FRMD4A: variants seen among roughly 807,000 people sequenced by gnomAD.
FRMD4A encodes FERM domain-containing protein 4A.
Under a neutral mutation model 129.1 loss-of-function variants are expected in FRMD4A, and 29 were observed. The ratio of observed to expected loss-of-function variants is 0.22; its 90% CI spans 0.17 to 0.31. The LOEUF is 0.31. FRMD4A is among the 10% of genes least tolerant of loss of function. The pLI is 1.00. For synonymous variants in FRMD4A, 634 were observed against 571.6 expected, an observed-to-expected ratio of 1.11 and a Z score of -1.56; for missense variants, 1,272 against 1,375.8, an observed-to-expected ratio of 0.92 and a Z score of 1.19.
chr10:14,083,770 C>T (rs1836075092), intron 2 of FRMD4A: 2 of 152,244 alleles, frequency 1.3e-5, no homozygotes, highest in South Asian at 4.1e-4. Context: ...CCAACGATTG[C>T]AAAAGACAGA....
intron 14 of FRMD4A, among the ~76,000 whole-genome samples, chr10:13,700,397 C>G (rs1157322798): frequency 6.6e-6 from 1 of 152,162 alleles, no homozygotes; most frequent in African/African-American, 2.4e-5. Flanking sequence ...GACTCTTGTG[C>G]CCAGTAAGTT....
intron 4 of FRMD4A, among the ~76,000 whole-genome samples, chr10:13,798,237 C>T (rs536051463): frequency 4.6e-5 from 7 of 151,694 alleles, no homozygotes; most frequent in Non-Finnish European, 8.8e-5. Flanking sequence ...ATGGTGAAAC[C>T]CTGTCTCTAC....
intron 2 of FRMD4A, among the ~76,000 whole-genome samples, chr10:14,005,603 A>G (rs1588743546): frequency 6.6e-6 from 1 of 152,172 alleles, no homozygotes; most frequent in Non-Finnish European, 1.5e-5. Flanking sequence ...CATATCTTCT[A>G]TATTTCCTTT....
At position 13,700,891 on chromosome 10, in the gene FRMD4A, T is replaced by G. The variant is rs546239431; in HGVS notation, c.975+449A>C. Among the ~76,000 whole-genome samples the G allele has an allele frequency of 1.4e-4, 20 of 144,300 alleles. No individual in the cohort carries two copies. The South Asian group carries it at 4.5e-3, about 32-fold the overall frequency. 94.7% of individuals were successfully genotyped at this position (144,300 alleles called of 152,430 possible). ...AAAAAAAAAAAAATGGAGTTGGCAGTTGGAACCGCCTGAGGGTTTTCACAG... is the reference window on the plus strand; with the variant it reads ...AAAAAAAAAAAAATGGAGTTGGCAGGTGGAACCGCCTGAGGGTTTTCACAG... On this transcript the variant is annotated intron_variant, in intron 14 of 24. Coordinates refer to ENST00000357447, the MANE Select transcript of FRMD4A (RefSeq NM_018027.5).
chr10:13,789,585 C>CACAT (rs2092945851), intron 5 of FRMD4A, among the ~76,000 whole-genome samples: 1 of 151,008 alleles, frequency 6.6e-6, no homozygotes, highest in Non-Finnish European at 1.5e-5. Context: ...CACACACACA[C>CACAT]ACACATGACG....
At chr10:13,681,908 A>G (rs1183408011) in intron 15 of FRMD4A, among the ~76,000 whole-genome samples, 1 of 152,154 alleles carries the variant, frequency 6.6e-6, no homozygotes, top group Non-Finnish European at 1.5e-5. Flanking sequence ...TGTTACATGA[A>G]TACCAGTTAC....
chr10:14,138,823 A>G (rs1035758245), intron 2 of FRMD4A, among the ~76,000 whole-genome samples: 1 of 152,180 alleles, frequency 6.6e-6, no homozygotes, highest in African/African-American at 2.4e-5. Flanking sequence ...ACCCACTGCT[A>G]GCATCGGTAA....
chr10:13,825,218 C>CA (rs2093684325), intron 3 of FRMD4A, among the ~76,000 whole-genome samples: 2 of 152,266 alleles, frequency 1.3e-5, no homozygotes, highest in South Asian at 4.2e-4. Context: ...ACTTTGAGGC[C>CA]ATTATGAAAT....
intron 2 of FRMD4A, among the ~76,000 whole-genome samples, chr10:14,187,312 G>T (rs535814183): frequency 7.9e-5 from 12 of 152,296 alleles, no homozygotes; most frequent in Admixed American, 5.2e-4. Flanking sequence ...GTATCAACTA[G>T]TCCATCATTT....
intron 18 of FRMD4A, among the ~76,000 whole-genome samples, chr10:13,664,908 G>A (rs1264918839): frequency 4.6e-5 from 7 of 151,946 alleles, no homozygotes; most frequent in African/African-American, 1.5e-4. Flanking sequence ...TTGAGATAGA[G>A]TTTCGCTCTT....
At chr10:14,203,466 T>G (rs1842696514) in intron 2 of FRMD4A, among the ~76,000 whole-genome samples, 1 of 152,206 alleles carries the variant, frequency 6.6e-6, no homozygotes, top group Non-Finnish European at 1.5e-5. Flanking sequence ...TTCCAGAAAG[T>G]ATCTAGACAC....
intron 2 of FRMD4A, among the ~76,000 whole-genome samples, chr10:13,902,389 A>G (rs2094829538): frequency 6.6e-6 from 1 of 151,670 alleles, no homozygotes; most frequent in Non-Finnish European, 1.5e-5. Flanking sequence ...GGAAAATAAA[A>G]AAGTTGGAGA....
intron 2 of FRMD4A, chr10:13,891,584 G>T (rs1460140251): frequency 3.0e-6 from 3 of 984,816 alleles, no homozygotes; most frequent in Non-Finnish European, 3.6e-6. Context: ...GCCGTCAGTC[G>T]CCTCCCTGCC....
intron 5 of FRMD4A, among the ~76,000 whole-genome samples, chr10:13,791,189 A>T (rs2130808648): frequency 6.6e-6 from 1 of 152,326 alleles, no homozygotes; most frequent in Non-Finnish European, 1.5e-5. Context: ...CATAAGCAGC[A>T]ACATCTTCTT....
intron 4 of FRMD4A, among the ~76,000 whole-genome samples, chr10:13,808,609 G>A (rs1211433009): frequency 2.0e-5 from 3 of 152,242 alleles, no homozygotes; most frequent in Non-Finnish European, 2.9e-5. Flanking sequence ...AGGACTGACA[G>A]CCCTTGAGTC....
intron 2 of FRMD4A, among the ~76,000 whole-genome samples, chr10:14,002,899 G>A (rs138320941): frequency 5.8e-4 from 88 of 152,284 alleles, no homozygotes; most frequent in African/African-American, 2.0e-3. Flanking sequence ...AGCAAGCTCC[G>A]TAGTTTGGAG....
intron 2 of FRMD4A, among the ~76,000 whole-genome samples, chr10:14,080,959 G>A (rs1835894788): frequency 6.6e-6 from 1 of 151,900 alleles, no homozygotes; most frequent in African/African-American, 2.4e-5. Context: ...AGACGTTGAT[G>A]GAACCGTCAT....
At chr10:13,823,864 G>A (rs1396810748) in intron 3 of FRMD4A, among the ~76,000 whole-genome samples, 1 of 152,164 alleles carries the variant, frequency 6.6e-6, no homozygotes, top group East Asian at 1.9e-4. Context: ...AGAGAAGAGT[G>A]TCTGTCAACC....
At chr10:14,032,239 T>G (rs920299908) in intron 2 of FRMD4A, among the ~76,000 whole-genome samples, 4 of 152,196 alleles carry the variant, frequency 2.6e-5, no homozygotes, top group Non-Finnish European at 5.9e-5. Flanking sequence ...AGGAAAGTAA[T>G]CTGTCAGCAA....
Sources: allele counts gnomAD v4.1 joint callset (sites outside exome capture counted in the v4.1 genomes callset), GRCh38; gene constraint gnomAD v4.1.1; transcripts MANE v1.5; gene names NCBI Gene and HGNC (gene_info 2026-07-23, HGNC 2026-07-21).